Variants in LDB2 observed in about 807,000 individuals in gnomAD.
The protein encoded by LDB2 is LIM domain-binding protein 2.
A neutral mutation model predicts 44.3 loss-of-function variants in LDB2; 12 were observed. The observed-to-expected ratio is 0.27, with a 90% CI of 0.17 to 0.44. The LOEUF is 0.44. Among genes scored for constraint, LDB2 ranks in the 20% least tolerant of loss-of-function variants. LDB2 has a pLI of 1.00. For missense variants in LDB2, 344 were observed against 473.5 expected (o/e 0.73, Z 2.54); for synonymous variants, 164 against 174.8 (o/e 0.94, Z 0.49).
chr4:16,585,286 C>T (rs1422931871), intron 5 of LDB2, among the ~76,000 whole-genome samples: 1 of 152,154 alleles, frequency 6.6e-6, no homozygotes, highest in East Asian at 1.9e-4. Context: ...GACCAGTGGG[C>T]TCTTTAGTGG....
At chr4:16,667,599 G>A (rs1402883942) in intron 2 of LDB2, among the ~76,000 whole-genome samples, 1 of 152,140 alleles carries the variant, frequency 6.6e-6, no homozygotes, top group Non-Finnish European at 1.5e-5. Context: ...AACTCCAAAT[G>A]CATGCAACTC....
At chr4:16,791,860 A>C (rs940227423) in intron 1 of LDB2, among the ~76,000 whole-genome samples, 9 of 152,230 alleles carry the variant, frequency 5.9e-5, no homozygotes, top group African/African-American at 1.7e-4. Flanking sequence ...ACTTCTGTAC[A>C]TTCATTTCAG....
At position 16,880,278 on chromosome 4, in the gene LDB2, A is replaced by G. The variant is rs1018204698; in HGVS notation, c.132+18076T>C. ...CTGGGTGACTAAATTAAATCAAAAC[A>G]GGCCTCCATTTCCTGTTGGGCAGTT... On this transcript the variant is annotated intron_variant, in intron 1 of 7. Transcript: ENST00000304523. 2.0e-5 allele frequency among the ~76,000 whole-genome samples: 3 copies of G among 152,178 alleles called. No homozygotes were observed. The South Asian group carries it at 6.2e-4, about 31-fold the overall frequency.
chr4:16,503,020 C>T (rs1220290825), intron 7 of LDB2, 147 bp from the exon 8 acceptor site: 32 of 1,566,906 alleles, frequency 2.0e-5, no homozygotes, highest in Middle Eastern at 1.7e-4. Flanking sequence ...GGGGCCGAGA[C>T]GCATATTTGA....
At chr4:16,540,626 G>A (rs915438490) in intron 5 of LDB2, among the ~76,000 whole-genome samples, 3 of 152,082 alleles carry the variant, frequency 2.0e-5, no homozygotes, top group Admixed American at 6.6e-5. Flanking sequence ...TTGATTGCAA[G>A]TTCCTCTAGG....
At chr4:16,515,797 A>G (rs950771818) in intron 5 of LDB2, among the ~76,000 whole-genome samples, 4 of 152,142 alleles carry the variant, frequency 2.6e-5, no homozygotes, top group African/African-American at 4.8e-5. Flanking sequence ...TGGAACAAAC[A>G]TGGATTTACA....
intron 2 of LDB2, among the ~76,000 whole-genome samples, chr4:16,689,438 A>G (rs1750068611): frequency 6.6e-6 from 1 of 152,230 alleles, no homozygotes; most frequent in African/African-American, 2.4e-5. Context: ...TCATGATGTT[A>G]CATTTGGCTA....
chr4:16,593,357 G>A (rs915315228), intron 3 of LDB2, among the ~76,000 whole-genome samples: 3 of 151,982 alleles, frequency 2.0e-5, no homozygotes, highest in African/African-American at 7.3e-5. Context: ...CCACTGTTTT[G>A]TAGTAAACAG....
At chr4:16,532,236 C>T (rs1037118691) in intron 5 of LDB2, among the ~76,000 whole-genome samples, 3 of 152,176 alleles carry the variant, frequency 2.0e-5, no homozygotes, top group African/African-American at 7.2e-5. Flanking sequence ...TTCGGGTCCA[C>T]ACAAACACAC....
intron 2 of LDB2, among the ~76,000 whole-genome samples, chr4:16,632,472 A>G (rs1732246342): frequency 6.6e-6 from 1 of 152,194 alleles, no homozygotes; most frequent in African/African-American, 2.4e-5. Context: ...CACAGCCAAT[A>G]TCATACTGAA....
intron 1 of LDB2, among the ~76,000 whole-genome samples, chr4:16,822,343 G>C (rs186943458): frequency 2.5e-3 from 384 of 152,256 alleles, no homozygotes; most frequent in Non-Finnish European, 3.9e-3. Flanking sequence ...ATGTTTTACA[G>C]AGGAAAGAAA....
intron 2 of LDB2, among the ~76,000 whole-genome samples, chr4:16,628,685 A>C (rs1285110635): frequency 6.6e-6 from 1 of 152,072 alleles, no homozygotes; most frequent in African/African-American, 2.4e-5. Context: ...CCAGCGAGAT[A>C]GACGCAGAAG....
intron 6 of LDB2, 25 bp downstream of exon 6, chr4:16,511,956 G>A (rs1216022676): frequency 1.1e-5 from 18 of 1,603,884 alleles, no homozygotes; most frequent in Non-Finnish European, 1.5e-5. Context: ...CGTGTTTAGA[G>A]AGAGAGTGAA....
intron 1 of LDB2, among the ~76,000 whole-genome samples, chr4:16,759,923 C>CTGTT (rs560923333): frequency 2.6e-5 from 4 of 152,246 alleles, no homozygotes; most frequent in African/African-American, 7.2e-5. Context: ...CATATGAATT[C>CTGTT]TGTTTGTTTG....
chr4:16,578,625 C>G (rs1712877707), intron 5 of LDB2, among the ~76,000 whole-genome samples: 1 of 152,122 alleles, frequency 6.6e-6, no homozygotes, highest in Non-Finnish European at 1.5e-5. Context: ...TTAGTGCAAC[C>G]ACTATGGAGA....
At chr4:16,885,442 A>G (rs1561538649) in intron 1 of LDB2, among the ~76,000 whole-genome samples, 1 of 152,236 alleles carries the variant, frequency 6.6e-6, no homozygotes, top group East Asian at 1.9e-4. Context: ...TGATACAAAT[A>G]TGAGCAAGAT....
At chr4:16,682,237 GTAAC>G (rs969018575) in intron 2 of LDB2, among the ~76,000 whole-genome samples, 1 of 151,954 alleles carries the variant, frequency 6.6e-6, no homozygotes, top group Non-Finnish European at 1.5e-5. Flanking sequence ...AAGTCAAAAA[GTAAC>G]TAGTTAAAAT....
intron 1 of LDB2, among the ~76,000 whole-genome samples, chr4:16,878,237 G>A (rs1718999377): frequency 6.6e-6 from 1 of 152,128 alleles, no homozygotes; most frequent in South Asian, 2.1e-4. Context: ...TGGATTCTGG[G>A]AACTGTATAG....
At chr4:16,882,406 T>C (rs931938588) in intron 1 of LDB2, among the ~76,000 whole-genome samples, 4 of 152,138 alleles carry the variant, frequency 2.6e-5, no homozygotes, top group African/African-American at 9.7e-5. Context: ...AGTTCTTTCT[T>C]CTCTCCTTTT....
Sources: allele counts gnomAD v4.1 joint callset (sites outside exome capture counted in the v4.1 genomes callset), GRCh38; gene constraint gnomAD v4.1.1; transcripts MANE v1.5; gene names NCBI Gene and HGNC (gene_info 2026-07-23, HGNC 2026-07-21).